Variants in UPRT observed in about 807,000 individuals in gnomAD.
The protein encoded by UPRT is uracil phosphoribosyltransferase homolog.
Under a neutral mutation model 22.6 loss-of-function variants are expected in UPRT, and 5 were observed. The observed-to-expected ratio is 0.22, with a 90% CI of 0.12 to 0.47. The LOEUF (loss-of-function observed/expected upper bound fraction) is 0.47, where lower values mean the gene tolerates loss of function less well. UPRT is among the 20% of genes least tolerant of loss of function. The pLI is 0.99. For synonymous variants in UPRT, 77 were observed against 87.7 expected (o/e 0.88, Z 0.68); for missense variants, 181 against 239.9 (o/e 0.75, Z 1.62).
Position 75,299,466 on chromosome X carries a change from T to A in UPRT, c.563-269T>A, listed in dbSNP as rs1602499039. On this transcript the variant is annotated intron_variant, in intron 4 of 6. Transcript: ENST00000373383. The stretch of plus-strand genomic sequence containing the variant: ...CAACAAAATGCTTTATTTCCTATAA[T>A]CACGGAAGCATGACAGCTCTAAAAC... 2.7e-5 allele frequency among the ~76,000 whole-genome samples: 3 copies of A among 111,991 alleles called. 1 individual carries two copies. In the Admixed American group the frequency reaches 2.8e-4, roughly 11 times the overall value.
At chrX:75,244,655 C>T (rs1449191976) in intron 4 of UPRT, among the ~76,000 whole-genome samples, 1 of 110,848 alleles carries the variant, frequency 9.0e-6, no homozygotes, top group South Asian at 3.7e-4. Context: ...CAAAGTTGAC[C>T]ACAACAAGCA....
At chrX:75,276,970 T>TA (rs754496138) in intron 1 of UPRT, among the ~76,000 whole-genome samples, 4 of 112,041 alleles carry the variant, frequency 3.6e-5, no homozygotes, top group Non-Finnish European at 7.5e-5. Flanking sequence ...ACATTACATA[T>TA]AAAAAATGTC....
chrX:75,267,925 G>A (rs1379255151), intron 4 of UPRT, among the ~76,000 whole-genome samples: 1 of 111,363 alleles, frequency 9.0e-6, no homozygotes, highest in East Asian at 2.8e-4. Context: ...CAATACTGAA[G>A]GAGATAGAGA....
chrX:75,242,870 A>G (rs1270861168), intron 4 of UPRT, among the ~76,000 whole-genome samples: 1 of 111,721 alleles, frequency 9.0e-6, no homozygotes, highest in East Asian at 2.8e-4. Flanking sequence ...ATGTCAAATG[A>G]GATAACCTAT....
chrX:75,173,206 C>A (rs1451177272), intron 4 of UPRT, among the ~76,000 whole-genome samples: 1 of 112,115 alleles, frequency 8.9e-6, no homozygotes, highest in Non-Finnish European at 1.9e-5. Flanking sequence ...TTGAGCTAAA[C>A]ACAGGGTGCT....
chrX:75,262,566 T>C (rs968542362), intron 4 of UPRT, among the ~76,000 whole-genome samples: 1 of 110,299 alleles, frequency 9.1e-6, no homozygotes, highest in Non-Finnish European at 1.9e-5. Context: ...ACACAAAGGC[T>C]CAAAATAAAG....
upstream of UPRT, among the ~76,000 whole-genome samples, chrX:75,270,219 C>T (rs2082603977): frequency 9.0e-6 from 1 of 111,624 alleles, no homozygotes; most frequent in Non-Finnish European, 1.9e-5. Context: ...CATCGCACGC[C>T]AATTAGAATG....
intron 4 of UPRT, among the ~76,000 whole-genome samples, chrX:75,260,115 A>G (rs767077678): frequency 8.9e-6 from 1 of 112,227 alleles, no homozygotes; most frequent in Non-Finnish European, 1.9e-5. Flanking sequence ...AGCACTCAAC[A>G]TGAAAAGAAA....
At chrX:75,168,559 G>T (rs764161614) in intron 4 of UPRT, among the ~76,000 whole-genome samples, 55 of 110,726 alleles carry the variant, frequency 5.0e-4, no homozygotes, top group Non-Finnish European at 7.9e-4. Context: ...ACGGAGTTTC[G>T]CTCTTTGTTG....
At chrX:75,290,177 A>C (rs2082700805) in intron 1 of UPRT, among the ~76,000 whole-genome samples, 1 of 112,338 alleles carries the variant, frequency 8.9e-6, no homozygotes, top group Admixed American at 9.4e-5. Flanking sequence ...GAAGACATAC[A>C]AACAGCCAAC....
In UPRT at chrX:75,220,679, G is replaced by A. The variant is rs770734826; in HGVS notation, c.-447+52800G>A. On this transcript the variant is annotated intron_variant, in intron 4 of 13. Transcript: ENST00000652605. ...ATACTGATTGCATAAAAAATTAAAT[G>A]AGAAGCAATGAAAAAACTAATATAA... 2.8e-4 allele frequency among the ~76,000 whole-genome samples: 31 copies of A among 111,679 alleles called. 1 individual carries two copies. In the East Asian group the frequency reaches 8.7e-3, roughly 31 times the overall value.
At chrX:75,287,942 GA>G (rs1216574109) in intron 1 of UPRT, among the ~76,000 whole-genome samples, 1 of 110,113 alleles carries the variant, frequency 9.1e-6, no homozygotes, top group African/African-American at 3.3e-5. Flanking sequence ...ATTAACAAAG[GA>G]AAAAAAGGGA....
intron 4 of UPRT, among the ~76,000 whole-genome samples, chrX:75,244,591 C>T (rs980468851): frequency 3.6e-5 from 4 of 111,092 alleles, no homozygotes; most frequent in Non-Finnish European, 5.7e-5. Flanking sequence ...ACCAATGGAA[C>T]AGAATAGAGA....
intron 4 of UPRT, among the ~76,000 whole-genome samples, chrX:75,232,279 G>A (rs1391027576): frequency 8.0e-5 from 9 of 112,624 alleles, no homozygotes; most frequent in Non-Finnish European, 1.5e-4. Context: ...CACATGGCTC[G>A]GAGGGTCCTA....
At chrX:75,190,132 T>C (rs2082309927) in intron 4 of UPRT, among the ~76,000 whole-genome samples, 1 of 112,268 alleles carries the variant, frequency 8.9e-6, no homozygotes, top group African/African-American at 3.2e-5. Flanking sequence ...TTCCTTTCCA[T>C]GTTTAGTGCT....
intron 1 of UPRT, chrX:75,285,420 C>T (rs2082675872): frequency 8.9e-6 from 1 of 111,752 alleles, no homozygotes; most frequent in Admixed American, 9.5e-5. Context: ...CCTGTTTTGT[C>T]AGGCAGGAAT....
intron 4 of UPRT, among the ~76,000 whole-genome samples, chrX:75,299,076 T>C (rs953489958): frequency 8.8e-6 from 1 of 113,058 alleles, no homozygotes; most frequent in African/African-American, 3.2e-5. Flanking sequence ...ATCTTGAAGA[T>C]GGCATGAGAA....
At chrX:75,255,870 C>G (rs1022709364) in intron 4 of UPRT, among the ~76,000 whole-genome samples, 17 of 111,565 alleles carry the variant, frequency 1.5e-4, no homozygotes, top group African/African-American at 5.2e-4. Context: ...AAAAAAATTA[C>G]TAATAGACCT....
chrX:75,202,453 G>T (rs1444476697), intron 4 of UPRT, among the ~76,000 whole-genome samples: 1 of 111,121 alleles, frequency 9.0e-6, no homozygotes, highest in African/African-American at 3.3e-5. Context: ...AAAAAGAAAA[G>T]AAAATGAACT....
Sources: gnomAD v4.1 joint callset for allele counts (sites outside exome capture counted in the v4.1 genomes callset) on GRCh38, gnomAD v4.1.1 for gene constraint, MANE v1.5 for transcripts, NCBI Gene and HGNC (gene_info 2026-07-23, HGNC 2026-07-21) for gene names.